The following MAP3K21 variants were observed in gnomAD, a reference collection of about 807,000 sequenced individuals.
MAP3K21 encodes the protein mitogen-activated protein kinase kinase kinase MLK4.
In MAP3K21, 63 loss-of-function variants were observed where a neutral mutation model predicts 86.1. The ratio of observed to expected loss-of-function variants is 0.73; its 90% CI spans 0.60 to 0.90. The LOEUF (loss-of-function observed/expected upper bound fraction) is 0.90, where lower values mean the gene tolerates loss of function less well. Ranked by LOEUF, MAP3K21 falls within the 40% of genes least tolerant of loss-of-function variation. The probability of loss-of-function intolerance (pLI) is 0.00; values close to 1 mark genes in which losing one functional copy is unlikely to be tolerated. For synonymous variants in MAP3K21, 558 were observed against 564.8 expected (o/e 0.99, Z 0.17); for missense variants, 1,220 against 1,367.7 (o/e 0.89, Z 1.70).
At chr1:233,374,031 A>T (rs971880484) in intron 6 of MAP3K21, 2 of 152,208 alleles carry the variant, frequency 1.3e-5, no homozygotes, top group Admixed American at 1.3e-4. Context: ...AATAACCCCC[A>T]GCTGAAAGCT....
Position 233,382,516 on chromosome 1 carries a change from CTG to C in MAP3K21, c.2920_2921del (p.Val974SerfsTer19), listed in dbSNP as rs1218026730. The C allele has an allele frequency of 1.2e-6, 2 of 1,614,210 alleles. No homozygotes were observed. The highest frequency in any genetic ancestry group is 1.1e-5 in the South Asian group (1 of 91,090). On this transcript the variant is annotated frameshift_variant, in exon 10 of 10. Transcript: ENST00000366624. LOFTEE classifies it low-confidence loss of function (END_TRUNC). ...CAGTGTCTCAGCTGGCACAGACTGC[CTG>C]TGTAGTGGGTCGCCCAGGACCACAT... ...TAVSQLAQTA[C>X]VVGRPGPHPT...
Position 233,339,368 on chromosome 1 carries a change from CCTT to C in MAP3K21, c.806-7071_806-7069del, listed in dbSNP as rs796287857. Among the ~76,000 whole-genome samples, 182 of 60,904 alleles carry C rather than the reference CCTT, an allele frequency of 3.0e-3. 5 individuals carry two copies. The highest frequency in any genetic ancestry group is 5.8e-3 in the African/African-American group (82 of 14,116). 40.0% of individuals were successfully genotyped at this position (60,904 alleles called of 152,430 possible). On this transcript the variant is annotated intron_variant, in intron 1 of 9. Transcript: ENST00000366624. ...CTCTTCTCCCTCTTCTCCTTCTCCT[CCTT>C]CTCCTTCTTCTCCTTCTTCTCCTCC...
At chr1:233,357,172 CA>C (rs1480731377) in intron 4 of MAP3K21, among the ~76,000 whole-genome samples, 18 of 152,142 alleles carry the variant, frequency 1.2e-4, no homozygotes, top group Non-Finnish European at 2.2e-4. Flanking sequence ...CCAAACACTG[CA>C]TGTTCTCACT....
Position 233,346,417 on chromosome 1 carries a change from T to C in MAP3K21, c.806-25T>C, listed in dbSNP as rs377313352. ...CAGAAAAATTAAAAGAATATGCAAA[T>C]GTCTCACTTTTGATTTTTCTTTAGT... is the stretch of plus-strand genomic sequence containing the variant. On this transcript the variant is annotated intron_variant, in intron 1 of 9. Transcript: ENST00000366624. 2.8e-5 allele frequency: 43 copies of C among 1,552,702 alleles called. No individual in the cohort carries two copies. In the African/African-American group the frequency reaches 4.5e-4, roughly 16 times the overall value.
At chr1:233,329,100 T>C (rs1662763771) in intron 1 of MAP3K21, among the ~76,000 whole-genome samples, 2 of 152,100 alleles carry the variant, frequency 1.3e-5, no homozygotes, top group Non-Finnish European at 2.9e-5. Flanking sequence ...ATTTGTAAAA[T>C]ACCTGGATCT....
chr1:233,366,251 T>G (rs966940169), intron 5 of MAP3K21, among the ~76,000 whole-genome samples: 1 of 151,892 alleles, frequency 6.6e-6, no homozygotes. Flanking sequence ...TACAGCTAGG[T>G]AGGAGGAATG....
intron 5 of MAP3K21, among the ~76,000 whole-genome samples, chr1:233,370,027 G>A (rs144590022): frequency 1.3e-5 from 2 of 152,276 alleles, no homozygotes; most frequent in Non-Finnish European, 2.9e-5. Flanking sequence ...TGTCAGTCAG[G>A]CATATTAAAA....
chr1:233,330,965 ACTTT>A (rs1662800327), intron 1 of MAP3K21, among the ~76,000 whole-genome samples: 1 of 152,172 alleles, frequency 6.6e-6, no homozygotes, highest in South Asian at 2.1e-4. Context: ...AGTTTTATAA[ACTTT>A]TATAAAATAT....
intron 4 of MAP3K21, among the ~76,000 whole-genome samples, chr1:233,358,140 A>C (rs1469023346): frequency 6.6e-6 from 1 of 150,496 alleles, no homozygotes; most frequent in Non-Finnish European, 1.5e-5. Flanking sequence ...GTACCTCCTC[A>C]TCATTGGAGC....
intron 1 of MAP3K21, among the ~76,000 whole-genome samples, chr1:233,345,569 C>T (rs183394631): frequency 1.8e-4 from 26 of 141,020 alleles, no homozygotes; most frequent in South Asian, 2.3e-4. Flanking sequence ...ACATCACAAA[C>T]GGGGGCCTGT....
In MAP3K21 at chr1:233,328,685, G is replaced by GGACCCGCGCGCGCCC; in HGVS notation, c.659_673dup (p.Asp220_Pro224dup). 6 of 1,355,520 alleles carry GGACCCGCGCGCGCCC rather than the reference G, an allele frequency of 4.4e-6. No homozygotes were observed. In the South Asian group the frequency reaches 9.7e-5, roughly 22 times the overall value. 84.0% of individuals were successfully genotyped at this position (1,355,520 alleles called of 1,614,324 possible). A position where few individuals can be genotyped will look rare whatever the true frequency, so the allele number is the denominator to read the frequency against. On this transcript the variant is annotated inframe_insertion, in exon 1 of 10. Coordinates refer to ENST00000366624, the MANE Select transcript of MAP3K21 (RefSeq NM_032435.3). This position sits in a 1 kb window ranked among gnomAD's most constrained non-coding sequence, Gnocchi z 8.7. ...CGCTGGCCGCTGCCAACGCCGCCCC[G>GGACCCGCGCGCGCCC]GACCCGCGCGCGCCCGGCCCCCGCC...
chr1:233,331,134 A>G (rs1323312056), intron 1 of MAP3K21, among the ~76,000 whole-genome samples: 1 of 152,204 alleles, frequency 6.6e-6, no homozygotes, highest in East Asian at 1.9e-4. Context: ...ACATAATTTG[A>G]TGGTGATTAC....
intron 8 of MAP3K21, among the ~76,000 whole-genome samples, chr1:233,377,801 G>A (rs1558464183): frequency 6.6e-6 from 1 of 152,142 alleles, no homozygotes. Flanking sequence ...TGGGAGCCCT[G>A]AGCTTGTTTT....
At chr1:233,343,161 A>C (rs1663070367) in intron 1 of MAP3K21, among the ~76,000 whole-genome samples, 2 of 152,290 alleles carry the variant, frequency 1.3e-5, no homozygotes, top group South Asian at 4.1e-4. Flanking sequence ...ATGTTTGACA[A>C]TGTAATACAA....
Position 233,328,436 on chromosome 1 carries a change from G to T in MAP3K21, c.408G>T (p.Gly136=). The part of the protein sequence containing the change: ...LKELIGAGGF[G]QVYRATWQGQ... The stretch of plus-strand genomic sequence containing the variant: ...AGCTCATCGGCGCTGGGGGCTTCGG[G>T]CAGGTGTACCGCGCCACCTGGCAGG... Residue 136 remains glycine, a synonymous_variant, in exon 1 of 10, where the codon GGG becomes GGT. Transcript: ENST00000366624. The surrounding 1 kb of genome is among the most constrained non-coding windows in gnomAD (Gnocchi z 8.7). The T allele has an allele frequency of 2.0e-6, 3 of 1,496,274 alleles. No individual in the cohort carries two copies. The highest frequency in any genetic ancestry group is 1.3e-5 in the South Asian group (1 of 79,660). 92.7% of individuals were successfully genotyped at this position (1,496,274 alleles called of 1,614,324 possible).
At chr1:233,382,062 G>A (rs1294237) in intron 9 of MAP3K21, among the ~76,000 whole-genome samples, 66,457 of 151,950 alleles carry the variant, frequency 0.44, 14,767 homozygotes, top group African/African-American at 0.51. Context: ...TCAGCCAGGT[G>A]TGGTGGCACA....
chr1:233,349,611 T>C (rs531085895), intron 2 of MAP3K21, among the ~76,000 whole-genome samples: 5 of 152,272 alleles, frequency 3.3e-5, no homozygotes, highest in Non-Finnish European at 5.9e-5. Context: ...AATTGATTTA[T>C]TTACAAAGTG....
chr1:233,382,396 A>G lies in MAP3K21; in HGVS notation c.2796A>G (p.Ser932=), dbSNP rs766768673. 1.9e-6 allele frequency: 3 copies of G among 1,613,988 alleles called. No homozygotes were observed. The South Asian group carries it at 3.3e-5, about 18-fold the overall frequency. The change falls in exon 10 of 10, where the codon TCA becomes TCG. Residue 932 remains serine, a synonymous_variant. Transcript: ENST00000366624. ...ACAGTCATCTGCCAAGGGAGGTCTC[A>G]CCCAAGAAGCACAGCACTGTCCACA... is the stretch of plus-strand genomic sequence containing the variant. ...APHSHLPREV[S]PKKHSTVHIV...
chr1:233,359,345 G>C (rs940702077), intron 4 of MAP3K21, among the ~76,000 whole-genome samples: 7 of 152,068 alleles, frequency 4.6e-5, no homozygotes, highest in Admixed American at 2.0e-4. Flanking sequence ...ATTGTTCCTT[G>C]AAATACAGCA....
Sources: gnomAD v4.1 joint callset for allele counts (sites outside exome capture counted in the v4.1 genomes callset) on GRCh38, gnomAD v4.1.1 for gene constraint, Gnocchi (gnomAD v3.1) non-coding constraint, MANE v1.5 for transcripts, NCBI Gene and HGNC (gene_info 2026-07-23, HGNC 2026-07-21) for gene names.